ADAMTSL1: variants seen among roughly 807,000 people sequenced by gnomAD.
ADAMTSL1 encodes the protein ADAMTS like 1.
Under a neutral mutation model 201.8 loss-of-function variants are expected in ADAMTSL1, and 126 were observed. The ratio of observed to expected loss-of-function variants is 0.62; its 90% CI spans 0.54 to 0.72. The LOEUF is 0.72. Ranked by LOEUF, ADAMTSL1 falls within the 30% of genes least tolerant of loss-of-function variation. ADAMTSL1 has a pLI of 0.00. For synonymous variants in ADAMTSL1, 1,121 were observed against 903.4 expected (o/e 1.24, Z -4.32); for missense variants, 2,679 against 2,277.8 (o/e 1.18, Z -3.59).
intron 2 of ADAMTSL1, among the ~76,000 whole-genome samples, chr9:18,369,416 A>G (rs111742619): frequency 1.3e-5 from 2 of 152,362 alleles, no homozygotes; most frequent in South Asian, 4.1e-4. Context: ...TGCAAATTAA[A>G]ACCACAATGA....
intron 2 of ADAMTSL1, among the ~76,000 whole-genome samples, chr9:18,179,018 C>G (rs1345340054): frequency 6.6e-6 from 1 of 152,262 alleles, no homozygotes; most frequent in Non-Finnish European, 1.5e-5. Flanking sequence ...CAGAACAAAG[C>G]TGGACGGAGA....
intron 22 of ADAMTSL1, among the ~76,000 whole-genome samples, chr9:18,828,662 A>ATATATATATG (rs1824760135): frequency 5.4e-5 from 2 of 37,310 alleles, no homozygotes; most frequent in Non-Finnish European, 8.4e-5. Flanking sequence ...AAGTATATTT[A>ATATATATATG]TATATATATA....
chr9:18,830,768 A>C (rs1333455173), intron 23 of ADAMTSL1, among the ~76,000 whole-genome samples: 1 of 152,212 alleles, frequency 6.6e-6, no homozygotes, highest in Non-Finnish European at 1.5e-5. Flanking sequence ...GTGCAGGGAC[A>C]GGGAATATAT....
At chr9:18,033,036 C>T (rs1821041850) in intron 1 of ADAMTSL1, among the ~76,000 whole-genome samples, 1 of 152,182 alleles carries the variant, frequency 6.6e-6, no homozygotes, top group Admixed American at 6.5e-5. Context: ...GGCACCTCCC[C>T]ACTATGCCTA....
rs559666233 is a variant in ADAMTSL1, at chr9:18,022,962, T to C, written c.87+116040T>C. Among the ~76,000 whole-genome samples the C allele has an allele frequency of 7.9e-5, 12 of 152,204 alleles. No individual in the cohort carries two copies. The South Asian group carries it at 2.5e-3, about 32-fold the overall frequency. On this transcript the variant is annotated intron_variant, in intron 1 of 29. Transcript: ENST00000680146. ...CTTCTCCACCTTGCTGGGTTTCTTTTCTCTTACCCTCTTCCTCTTTCTCTC... is the reference window on the plus strand; with the variant it reads ...CTTCTCCACCTTGCTGGGTTTCTTTCCTCTTACCCTCTTCCTCTTTCTCTC...
intron 1 of ADAMTSL1, among the ~76,000 whole-genome samples, chr9:18,083,817 A>G (rs973445082): frequency 3.3e-5 from 5 of 152,206 alleles, no homozygotes; most frequent in African/African-American, 1.2e-4. Context: ...TCCACAATAC[A>G]ACATTCTTGC....
chr9:18,250,580 C>T (rs1831423911), intron 2 of ADAMTSL1, among the ~76,000 whole-genome samples: 1 of 151,998 alleles, frequency 6.6e-6, no homozygotes, highest in South Asian at 2.1e-4. Flanking sequence ...GAATCCCCTC[C>T]CCTCAAAGAG....
intron 1 of ADAMTSL1, among the ~76,000 whole-genome samples, chr9:18,476,291 C>T (rs149360647): frequency 3.9e-5 from 6 of 152,096 alleles, no homozygotes; most frequent in African/African-American, 7.2e-5. Context: ...ATTTTAAACC[C>T]GTTTTTTCAG....
At chr9:18,607,726 C>G (rs533542841) in intron 4 of ADAMTSL1, among the ~76,000 whole-genome samples, 2 of 151,956 alleles carry the variant, frequency 1.3e-5, no homozygotes, top group Non-Finnish European at 2.9e-5. Flanking sequence ...ATCCCTCCCC[C>G]CTACCCCCAC....
chr9:18,496,536 G>A (rs1249228552), intron 1 of ADAMTSL1, among the ~76,000 whole-genome samples: 1 of 152,134 alleles, frequency 6.6e-6, no homozygotes, highest in Non-Finnish European at 1.5e-5. Context: ...AAAAGAGAAA[G>A]TTCTACCAAA....
chr9:18,006,169 C>T (rs904440393), intron 1 of ADAMTSL1, among the ~76,000 whole-genome samples: 22 of 151,896 alleles, frequency 1.4e-4, no homozygotes, highest in African/African-American at 5.1e-4. Flanking sequence ...AATGTGATAT[C>T]ACTGAGTGTG....
intron 26 of ADAMTSL1, among the ~76,000 whole-genome samples, chr9:18,894,922 A>C (rs186193171): frequency 3.9e-5 from 6 of 152,336 alleles, no homozygotes; most frequent in African/African-American, 1.4e-4. Context: ...AATGAGTAGG[A>C]AAATTCACAG....
chr9:18,681,341 G>A (rs1221936042), intron 11 of ADAMTSL1: 2 of 152,334 alleles, frequency 1.3e-5, no homozygotes, highest in Middle Eastern at 3.4e-3. Flanking sequence ...TAATCAATTG[G>A]ATTAACAATG....
chr9:18,331,011 T>C lies in ADAMTSL1; in HGVS notation c.207+167030T>C, dbSNP rs185772427. 2.2e-4 allele frequency among the ~76,000 whole-genome samples: 34 copies of C among 152,180 alleles called. 1 individual carries two copies. In the East Asian group the frequency reaches 5.6e-3, roughly 25 times the overall value. On this transcript the variant is annotated intron_variant, in intron 2 of 29. Coordinates refer to the ADAMTSL1 transcript ENST00000680146. The stretch of plus-strand genomic sequence containing the variant: ...TGACTATGAAGTAATTCAGCCTCAA[T>C]TGGGTATGGCATAGTCAGGGCATAT...
intron 2 of ADAMTSL1, among the ~76,000 whole-genome samples, chr9:18,325,434 A>C (rs1424835251): frequency 6.6e-6 from 1 of 152,260 alleles, no homozygotes; most frequent in Non-Finnish European, 1.5e-5. Context: ...CATTACATAC[A>C]TATTCATGTG....
chr9:18,855,724 G>A (rs538942222), intron 23 of ADAMTSL1, among the ~76,000 whole-genome samples: 39 of 152,156 alleles, frequency 2.6e-4, no homozygotes, highest in African/African-American at 8.7e-4. Context: ...TTTCTCTGTT[G>A]GCAGTGCCTG....
intron 5 of ADAMTSL1, among the ~76,000 whole-genome samples, chr9:18,629,949 G>C (rs2132726542): frequency 6.6e-6 from 1 of 151,608 alleles, no homozygotes; most frequent in Middle Eastern, 3.4e-3. Context: ...TCTGTGTTTG[G>C]ATTGATTGAT....
chr9:18,002,074 G>A (rs1819633937), intron 1 of ADAMTSL1, among the ~76,000 whole-genome samples: 1 of 151,916 alleles, frequency 6.6e-6, no homozygotes, highest in African/African-American at 2.4e-5. Context: ...GTCAGTAGAG[G>A]GAAAGATTGA....
chr9:18,056,226 A>G (rs1002730967), intron 1 of ADAMTSL1, among the ~76,000 whole-genome samples: 15 of 152,178 alleles, frequency 9.9e-5, no homozygotes, highest in African/African-American at 3.6e-4. Context: ...ATTTTGGAAG[A>G]AAGAGAAAGA....
Sources: gnomAD v4.1 joint callset for allele counts (sites outside exome capture counted in the v4.1 genomes callset) on GRCh38, gnomAD v4.1.1 for gene constraint, MANE v1.5 for transcripts, NCBI Gene and HGNC (gene_info 2026-07-23, HGNC 2026-07-21) for gene names.